The following GRM1 variants were observed in gnomAD, a reference collection of about 807,000 sequenced individuals.
GRM1 encodes metabotropic glutamate receptor 1.
GRM1 carries 33 observed loss-of-function variants against 90.9 expected under a neutral mutation model. That is an observed-to-expected ratio of 0.36 (90% CI 0.28 to 0.49). The LOEUF (loss-of-function observed/expected upper bound fraction) is 0.49. GRM1 is among the 20% of genes least tolerant of loss of function. The pLI is 0.99. For missense variants in GRM1, 1,190 were observed against 1,534.3 expected (o/e 0.78, Z 3.75); for synonymous variants, 700 against 613.2 (o/e 1.14, Z -2.09).
chr6:146,290,273 A>T (rs1397994964), intron 2 of GRM1, among the ~76,000 whole-genome samples: 1 of 152,132 alleles, frequency 6.6e-6, no homozygotes, highest in Non-Finnish European at 1.5e-5. Context: ...TCTAGGAAAG[A>T]TCCATGGACG....
chr6:146,313,148 A>G (rs147467307), intron 3 of GRM1, among the ~76,000 whole-genome samples: 97 of 152,342 alleles, frequency 6.4e-4, no homozygotes, highest in African/African-American at 2.2e-3. Context: ...AATGGCATCG[A>G]GAGAGTAAAC....
intron 1 of GRM1, among the ~76,000 whole-genome samples, chr6:146,096,153 GT>G (rs1239125109): frequency 6.6e-6 from 1 of 151,962 alleles, no homozygotes; most frequent in Non-Finnish European, 1.5e-5. Context: ...TTGTAGTTTT[GT>G]TTTTTCAAAC....
chr6:146,163,190 C>T (rs1777798673), intron 2 of GRM1, among the ~76,000 whole-genome samples: 1 of 152,028 alleles, frequency 6.6e-6, no homozygotes, highest in South Asian at 2.1e-4. Flanking sequence ...AGAATCAAAC[C>T]TTTGACTTTG....
chr6:146,039,016 G>T (rs1790997157), intron 1 of GRM1, among the ~76,000 whole-genome samples: 1 of 151,936 alleles, frequency 6.6e-6, no homozygotes, highest in Non-Finnish European at 1.5e-5. Flanking sequence ...TGGCAGAGAA[G>T]AAGTCATGTC....
intron 2 of GRM1, among the ~76,000 whole-genome samples, chr6:146,202,866 T>G (rs1779350077): frequency 6.6e-6 from 1 of 152,198 alleles, no homozygotes; most frequent in Non-Finnish European, 1.5e-5. Flanking sequence ...GATAGCATTT[T>G]ATTCCTTAGG....
At chr6:146,117,614 G>T (rs2128876038) in intron 1 of GRM1, among the ~76,000 whole-genome samples, 1 of 151,542 alleles carries the variant, frequency 6.6e-6, no homozygotes, top group Non-Finnish European at 1.5e-5. Flanking sequence ...TTATTTTAAG[G>T]TCAAACTGAT....
intron 6 of GRM1, among the ~76,000 whole-genome samples, chr6:146,393,638 A>G (rs1242017845): frequency 6.6e-6 from 1 of 152,180 alleles, no homozygotes; most frequent in Non-Finnish European, 1.5e-5. Flanking sequence ...ATGGAAAAAC[A>G]TTCCATGCTC....
chr6:146,383,190 G>A (rs1179265128), intron 5 of GRM1, among the ~76,000 whole-genome samples: 1 of 152,166 alleles, frequency 6.6e-6, no homozygotes, highest in Admixed American at 6.5e-5. Flanking sequence ...CTGTATTAAA[G>A]ATATAAGCTA....
chr6:146,330,690 G>A (rs569350129), intron 3 of GRM1, among the ~76,000 whole-genome samples: 1 of 152,188 alleles, frequency 6.6e-6, no homozygotes, highest in South Asian at 2.1e-4. Context: ...TTATAATGTT[G>A]CTTTGTTTTA....
At chr6:146,164,420 A>G (rs528857080) in intron 2 of GRM1, among the ~76,000 whole-genome samples, 1 of 152,144 alleles carries the variant, frequency 6.6e-6, no homozygotes, top group Non-Finnish European at 1.5e-5. Context: ...GTGTTTTGGT[A>G]TGATAACTTT....
chr6:146,065,521 T>G (rs923741013), intron 1 of GRM1, among the ~76,000 whole-genome samples: 1 of 152,216 alleles, frequency 6.6e-6, no homozygotes, highest in Non-Finnish European at 1.5e-5. Flanking sequence ...AGATAATACC[T>G]GGCACACAGT....
intron 7 of GRM1, among the ~76,000 whole-genome samples, chr6:146,404,917 C>G (rs945219516): frequency 1.3e-5 from 2 of 152,058 alleles, no homozygotes; most frequent in Non-Finnish European, 2.9e-5. Context: ...AAAATAAAAG[C>G]CTTAAACTAG....
At position 146,241,162 on chromosome 6, in the gene GRM1, G is replaced by T. The variant is rs1350747828; in HGVS notation, c.951-63449G>T. On this transcript the variant is annotated intron_variant, in intron 2 of 7. Transcript: ENST00000282753. ...CACCTGTGCCTCATTACACGATTGA[G>T]ATTTTTGAGGGAAATGAGGATCATT... Among the ~76,000 whole-genome samples, 5 of 152,108 alleles carry T rather than the reference G, an allele frequency of 3.3e-5. No individual in the cohort carries two copies. In the East Asian group the frequency reaches 9.6e-4, roughly 29 times the overall value.
Position 146,270,956 on chromosome 6 carries a change from T to TTCCTTCCTTC in GRM1, c.951-33655_951-33654insTCCTTCCTTC, listed in dbSNP as rs1562571418. Among the ~76,000 whole-genome samples the TTCCTTCCTTC allele has an allele frequency of 8.3e-4, 70 of 84,520 alleles. 2 individuals are homozygous for TTCCTTCCTTC. Among genetic ancestry groups the TTCCTTCCTTC allele is most frequent in the African/African-American group, 3.0e-3 (47 of 15,762 alleles). The allele number at this position is 84,520 out of a possible 152,430, so 55.4% of individuals were successfully genotyped here. A position where few individuals can be genotyped will look rare whatever the true frequency, so the allele number is the denominator to read the frequency against. ...TCCTTCCTTCCTTCCTTCCTTCCTTTCTTTCTTTCTTTTTTTTTTCTCTCT... is the reference window on the plus strand; with the variant it reads ...TCCTTCCTTCCTTCCTTCCTTCCTTTTCCTTCCTTCCTTTCTTTCTTTTTTTTTTCTCTCT... On this transcript the variant is annotated intron_variant, in intron 2 of 7. Transcript: ENST00000282753.
intron 2 of GRM1, among the ~76,000 whole-genome samples, chr6:146,293,992 C>T (rs1022095672): frequency 2.6e-5 from 4 of 151,314 alleles, no homozygotes; most frequent in Non-Finnish European, 5.9e-5. Context: ...TGTGCCTTCT[C>T]TCTTTTTCAT....
At chr6:146,172,606 G>A (rs1409188487) in intron 2 of GRM1, among the ~76,000 whole-genome samples, 1 of 151,980 alleles carries the variant, frequency 6.6e-6, no homozygotes, top group East Asian at 1.9e-4. Context: ...TAGATTGAGG[G>A]AAGAACTTGA....
intron 1 of GRM1, among the ~76,000 whole-genome samples, chr6:146,040,415 T>C (rs965815142): frequency 6.6e-6 from 1 of 152,046 alleles, no homozygotes; most frequent in African/African-American, 2.4e-5. Context: ...TTCTTTCAGA[T>C]TGAAGAACTC....
intron 2 of GRM1, among the ~76,000 whole-genome samples, chr6:146,297,349 A>T (rs1267443377): frequency 6.6e-6 from 1 of 151,938 alleles, no homozygotes; most frequent in Non-Finnish European, 1.5e-5. Context: ...TTTAGTAGAG[A>T]TGGGGTTTCA....
chr6:146,095,186 C>A (rs1320762335), intron 1 of GRM1, among the ~76,000 whole-genome samples: 1 of 152,112 alleles, frequency 6.6e-6, no homozygotes, highest in Non-Finnish European at 1.5e-5. Flanking sequence ...CACCCAAAGA[C>A]AACCGACATG....
Sources: allele counts gnomAD v4.1 joint callset (sites outside exome capture counted in the v4.1 genomes callset), GRCh38; gene constraint gnomAD v4.1.1; transcripts MANE v1.5; gene names NCBI Gene and HGNC (gene_info 2026-07-23, HGNC 2026-07-21).